The following AKAP6 variants were observed in gnomAD, a reference collection of about 807,000 sequenced individuals.
AKAP6 encodes the protein A-kinase anchor protein 6.
In AKAP6, 58 loss-of-function variants were observed where a neutral mutation model predicts 188.5. The ratio of observed to expected loss-of-function variants is 0.31; its 90% CI spans 0.25 to 0.38. AKAP6 has a LOEUF of 0.38. Among genes scored for constraint, AKAP6 ranks in the 10% least tolerant of loss-of-function variants. The pLI, the probability that AKAP6 is intolerant of heterozygous loss-of-function variation, is 1.00. For missense variants in AKAP6, 2,710 were observed against 2,740.0 expected (o/e 0.99, Z 0.24); for synonymous variants, 989 against 998.6 (o/e 0.99, Z 0.18).
intron 12 of AKAP6, among the ~76,000 whole-genome samples, chr14:32,792,393 G>A (rs1412445946): frequency 6.6e-6 from 1 of 152,072 alleles, no homozygotes; most frequent in Non-Finnish European, 1.5e-5. Flanking sequence ...TTGTGAATGG[G>A]ATCACTCATG....
intron 7 of AKAP6, among the ~76,000 whole-genome samples, chr14:32,664,269 G>T (rs1884621): frequency 0.15 from 23,563 of 152,032 alleles, 2,299 homozygotes; most frequent in East Asian, 0.49. Flanking sequence ...GGTCTAAGCA[G>T]CAGTGATGAT....
intron 11 of AKAP6, among the ~76,000 whole-genome samples, chr14:32,772,380 A>C (rs1027856757): frequency 1.2e-4 from 18 of 152,314 alleles, no homozygotes; most frequent in African/African-American, 4.3e-4. Context: ...CGCTGGTATA[A>C]ATTGAATAAT....
chr14:32,822,756 A>T lies in AKAP6; in HGVS notation c.4943A>T (p.Gln1648Leu). ...RLENIQSPSE[Q>L]KIKRSVSDIT... ...GAGAATATCCAGAGCCCCTCAGAGCAAAAGATAAAACGAAGTGTTTCTGAT... is the reference window on the plus strand; with the variant it reads ...GAGAATATCCAGAGCCCCTCAGAGCTAAAGATAAAACGAAGTGTTTCTGAT... The change falls in exon 13 of 14, where the codon CAA (glutamine) becomes CTA (leucine). Residue 1648 changes from glutamine to leucine, a missense_variant. This residue lies in a region of AKAP6 where 2,473 missense variants were observed against 2,426.1 expected (regional missense o/e 1.02). Transcript: ENST00000280979. 1 of 1,613,952 alleles carries T rather than the reference A, an allele frequency of 6.2e-7. No individual in the cohort carries two copies. The highest frequency in any genetic ancestry group is 8.5e-7 in the Non-Finnish European group (1 of 1,179,928).
At chr14:32,826,586 C>T (rs2034679355) in intron 13 of AKAP6, among the ~76,000 whole-genome samples, 1 of 152,166 alleles carries the variant, frequency 6.6e-6, no homozygotes, top group African/African-American at 2.4e-5. Context: ...CCTCAAGTCA[C>T]CAGTCATGCT....
chr14:32,794,646 A>G (rs2033710434), intron 12 of AKAP6, among the ~76,000 whole-genome samples: 1 of 152,206 alleles, frequency 6.6e-6, no homozygotes, highest in Non-Finnish European at 1.5e-5. Context: ...TGCTAAAGCT[A>G]TGTTAAGAGG....
intron 5 of AKAP6, among the ~76,000 whole-genome samples, chr14:32,581,503 A>G (rs1037179031): frequency 6.6e-6 from 1 of 152,082 alleles, no homozygotes; most frequent in Non-Finnish European, 1.5e-5. Context: ...GTAGATGTCT[A>G]TTAGGTCCGC....
At chr14:32,728,170 C>T (rs1412144217) in intron 9 of AKAP6, among the ~76,000 whole-genome samples, 4 of 141,304 alleles carry the variant, frequency 2.8e-5, no homozygotes, top group East Asian at 2.1e-4. Context: ...CCAGAAAACA[C>T]GTGAGAGTTG....
chr14:32,415,081 T>C (rs1355000535), intron 1 of AKAP6, among the ~76,000 whole-genome samples: 2 of 152,182 alleles, frequency 1.3e-5, no homozygotes, highest in Non-Finnish European at 2.9e-5. Context: ...GCAATACTGA[T>C]GGAAAAGAAG....
chr14:32,642,190 T>C (rs1887787501), intron 7 of AKAP6, among the ~76,000 whole-genome samples: 1 of 152,226 alleles, frequency 6.6e-6, no homozygotes, highest in Non-Finnish European at 1.5e-5. Flanking sequence ...TGGCTAGTTA[T>C]ACATCTATGA....
chr14:32,745,056 T>A (rs1366937397), intron 11 of AKAP6, among the ~76,000 whole-genome samples: 2 of 152,190 alleles, frequency 1.3e-5, no homozygotes, highest in Non-Finnish European at 2.9e-5. Context: ...TTTTGAGTTA[T>A]TTGTCTGAAA....
rs139161105 is a variant in AKAP6 at position 32,782,113 on chromosome 14, C to G, written c.3588+8220C>G. On this transcript the variant is annotated intron_variant, in intron 12 of 13. Transcript: ENST00000280979. ...CTGGGTGGTGGAGGTTGCAGTGAGC[C>G]GAGATCACGCCACTGTATTCCAGCC... Among the ~76,000 whole-genome samples, 56 of 136,542 alleles carry G rather than the reference C, an allele frequency of 4.1e-4. No homozygotes were observed. The East Asian group carries it at 0.013, about 31-fold the overall frequency. 89.6% of individuals were successfully genotyped at this position (136,542 alleles called of 152,430 possible).
chr14:32,737,983 G>T (rs1209373821), intron 11 of AKAP6, among the ~76,000 whole-genome samples: 1 of 152,124 alleles, frequency 6.6e-6, no homozygotes, highest in Non-Finnish European at 1.5e-5. Context: ...AGAAATATGG[G>T]ATTAGACACA....
rs146544391 is a variant in AKAP6 at position 32,822,324 on chromosome 14, T to C, written c.4511T>C (p.Phe1504Ser). The change falls in exon 13 of 14, where the codon TTT (phenylalanine) becomes TCT (serine). Residue 1504 changes from phenylalanine to serine, a missense_variant. Physicochemically the swap from Phe to Ser is radical, Grantham distance 155 (BLOSUM62 -2). This residue lies in a region of AKAP6 where 2,473 missense variants were observed against 2,426.1 expected (regional missense o/e 1.02). Transcript: ENST00000280979. ...GATCCCCTGCTTCGTGGTTTTTATTTTGATAAAAAATCATGCAAATCTAAA... is the reference window on the plus strand; with the variant it reads ...GATCCCCTGCTTCGTGGTTTTTATTCTGATAAAAAATCATGCAAATCTAAA... ...VEDPLLRGFY[F>S]DKKSCKSKHQ... 39 of 1,613,952 alleles carry C rather than the reference T, an allele frequency of 2.4e-5. No homozygotes were observed. The African/African-American group carries it at 3.6e-4, about 15-fold the overall frequency.
intron 12 of AKAP6, among the ~76,000 whole-genome samples, chr14:32,814,040 A>G (rs2034317033): frequency 6.6e-6 from 1 of 152,224 alleles, no homozygotes; most frequent in East Asian, 1.9e-4. Flanking sequence ...TGGGACAAAC[A>G]AGGTGTTGAA....
intron 7 of AKAP6, among the ~76,000 whole-genome samples, chr14:32,607,277 G>C (rs1292181941): frequency 6.6e-6 from 1 of 152,178 alleles, no homozygotes; most frequent in Non-Finnish European, 1.5e-5. Flanking sequence ...CTTAATATAA[G>C]ATCTTCCGAA....
intron 9 of AKAP6, among the ~76,000 whole-genome samples, chr14:32,725,254 A>G (rs570946201): frequency 6.6e-6 from 1 of 152,232 alleles, no homozygotes; most frequent in African/African-American, 2.4e-5. Context: ...GAGAGCATTC[A>G]TTTTACTTTT....
At chr14:32,682,995 C>CTTTTTTTTTTTTTTTTTTTGTTTTTTTT (rs71115090) in intron 8 of AKAP6, among the ~76,000 whole-genome samples, 1 of 142,258 alleles carries the variant, frequency 7.0e-6, no homozygotes, top group Non-Finnish European at 1.5e-5. Context: ...TTTTTTCTTC[C>CTTTTTTTTTTTTTTTTTTTGTTTTTTTT]TTTTTTTTTT....
At chr14:32,825,794 C>T (rs746326279) in intron 13 of AKAP6, among the ~76,000 whole-genome samples, 1 of 152,104 alleles carries the variant, frequency 6.6e-6, no homozygotes, top group Non-Finnish European at 1.5e-5. Context: ...AAGCTTAATG[C>T]CGTCACCTAA....
chr14:32,596,891 T>C (rs1004821346), intron 5 of AKAP6, among the ~76,000 whole-genome samples: 2 of 152,196 alleles, frequency 1.3e-5, no homozygotes, highest in African/African-American at 4.8e-5. Flanking sequence ...AGAAATTTCA[T>C]TGACAATTTT....
Sources: gnomAD v4.1 joint callset for allele counts (sites outside exome capture counted in the v4.1 genomes callset) on GRCh38, gnomAD v4.1.1 for gene constraint, gnomAD v4.1.1 regional missense constraint, MANE v1.5 for transcripts, NCBI Gene and HGNC (gene_info 2026-07-23, HGNC 2026-07-21) for gene names.